SCAPER: variants seen among roughly 807,000 people sequenced by gnomAD.
The protein encoded by SCAPER is S-phase cyclin A associated protein in the ER.
In SCAPER, 98 loss-of-function variants were observed where a neutral mutation model predicts 182.2. The ratio of observed to expected loss-of-function variants is 0.54; its 90% confidence interval spans 0.46 to 0.64. SCAPER has a LOEUF of 0.64. Ranked by LOEUF, SCAPER falls within the 30% of genes least tolerant of loss-of-function variation. The pLI, the probability that SCAPER is intolerant of heterozygous loss-of-function variation, is 0.00. For missense variants in SCAPER, 1,432 were observed against 1,690.0 expected, an observed-to-expected ratio of 0.85 and a Z score of 2.68; for synonymous variants, 605 against 564.6, an observed-to-expected ratio of 1.07 and a Z score of -1.01.
intron 17 of SCAPER, among the ~76,000 whole-genome samples, chr15:76,717,142 GAAAAA>G (rs34439573): frequency 1.6e-5 from 2 of 126,280 alleles, no homozygotes; most frequent in Non-Finnish European, 3.4e-5. Context: ...TGATGAAAGG[GAAAAA>G]AAAAAAAAAA....
intron 25 of SCAPER, among the ~76,000 whole-genome samples, chr15:76,469,755 G>C (rs1457401374): frequency 6.6e-6 from 1 of 152,064 alleles, no homozygotes; most frequent in Admixed American, 6.6e-5. Flanking sequence ...CCTCATCTGT[G>C]AAATGGAATA....
At chr15:76,501,484 C>T (rs1162503904) in intron 24 of SCAPER, among the ~76,000 whole-genome samples, 1 of 152,002 alleles carries the variant, frequency 6.6e-6, no homozygotes, top group Non-Finnish European at 1.5e-5. Flanking sequence ...GAAAAGAGGA[C>T]AGGAAGCTGG....
At chr15:76,699,225 CTT>C (rs945701557) in intron 20 of SCAPER, among the ~76,000 whole-genome samples, 2 of 152,112 alleles carry the variant, frequency 1.3e-5, no homozygotes, top group Non-Finnish European at 2.9e-5. Context: ...GATGGTTTCA[CTT>C]TTTTCATGCT....
chr15:76,836,707 A>T (rs1367950650), intron 5 of SCAPER, among the ~76,000 whole-genome samples: 1 of 152,026 alleles, frequency 6.6e-6, no homozygotes, highest in African/African-American at 2.4e-5. Context: ...CCCCGTCTCT[A>T]CTAAAAAATA....
At chr15:76,495,192 A>G (rs1018532573) in intron 24 of SCAPER, among the ~76,000 whole-genome samples, 2 of 152,146 alleles carry the variant, frequency 1.3e-5, no homozygotes, top group Non-Finnish European at 2.9e-5. Flanking sequence ...TTTTTTCTTA[A>G]TACGTTCACT....
chr15:76,351,147 A>T, intron 31 of SCAPER, 90 bp downstream of exon 31: 1 of 1,088,946 alleles, frequency 9.2e-7, no homozygotes, highest in Non-Finnish European at 1.3e-6. Context: ...ATAAAATTTT[A>T]CATATAATGT....
intron 21 of SCAPER, among the ~76,000 whole-genome samples, chr15:76,627,475 G>T (rs990567945): frequency 6.6e-6 from 1 of 152,040 alleles, no homozygotes; most frequent in Non-Finnish European, 1.5e-5. Context: ...CCCATTGTGT[G>T]TTGTTCCCCT....
At chr15:76,574,592 G>T (rs1280358655) in intron 22 of SCAPER, among the ~76,000 whole-genome samples, 2 of 152,160 alleles carry the variant, frequency 1.3e-5, no homozygotes, top group Non-Finnish European at 2.9e-5. Context: ...TAGGAAGGGG[G>T]AGAAGGCCAG....
rs118053915 is a variant in SCAPER at position 76,836,550 on chromosome 15, A to G, written c.393+5184T>C. Among the ~76,000 whole-genome samples the G allele has an allele frequency of 3.2e-4, 49 of 152,282 alleles. 1 individual carries two copies. The East Asian group carries it at 9.1e-3, about 28-fold the overall frequency. On this transcript the variant is annotated intron_variant, in intron 5 of 31. Coordinates refer to ENST00000563290, the MANE Select transcript of SCAPER (RefSeq NM_020843.4). ...AAACTGGACCACTTCCTTTCACCATATATAAAAATCAACTCAAAATGGATT... is the reference window on the plus strand; with the variant it reads ...AAACTGGACCACTTCCTTTCACCATGTATAAAAATCAACTCAAAATGGATT...
intron 5 of SCAPER, among the ~76,000 whole-genome samples, chr15:76,821,057 G>A (rs988617499): frequency 2.6e-5 from 4 of 152,210 alleles, no homozygotes; most frequent in African/African-American, 9.6e-5. Flanking sequence ...TACTTTGGAA[G>A]ACAGTGTGGC....
intron 8 of SCAPER, among the ~76,000 whole-genome samples, chr15:76,782,504 T>G (rs2064231028): frequency 6.6e-6 from 1 of 152,148 alleles, no homozygotes; most frequent in Non-Finnish European, 1.5e-5. Context: ...TATCCATGAC[T>G]TGAACTCAGC....
At chr15:76,561,830 T>C (rs2046655101) in intron 23 of SCAPER, among the ~76,000 whole-genome samples, 1 of 113,720 alleles carries the variant, frequency 8.8e-6, no homozygotes, top group African/African-American at 3.6e-5. Context: ...AGTATTAGTT[T>C]TTTTTTTTTT....
intron 26 of SCAPER, among the ~76,000 whole-genome samples, chr15:76,421,414 G>A (rs1254568858): frequency 6.6e-6 from 1 of 152,234 alleles, no homozygotes; most frequent in Non-Finnish European, 1.5e-5. Context: ...CAGCATAAAT[G>A]TCTTCTTTTG....
At chr15:76,415,685 G>A (rs1817455915) in intron 26 of SCAPER, among the ~76,000 whole-genome samples, 1 of 152,090 alleles carries the variant, frequency 6.6e-6, no homozygotes, top group Admixed American at 6.5e-5. Flanking sequence ...TGTTGTTTAT[G>A]AAGATAGATA....
At chr15:76,433,255 C>G (rs896948590) in intron 26 of SCAPER, among the ~76,000 whole-genome samples, 1 of 152,132 alleles carries the variant, frequency 6.6e-6, no homozygotes, top group Non-Finnish European at 1.5e-5. Flanking sequence ...CACCTGTAAT[C>G]CCAGCACTTT....
chr15:76,373,173 G>A (rs540188546), intron 29 of SCAPER, among the ~76,000 whole-genome samples: 13 of 151,310 alleles, frequency 8.6e-5, no homozygotes, highest in Non-Finnish European at 1.5e-4. Context: ...TCAGCCTCCT[G>A]AGTAGCTGGG....
At chr15:76,512,765 A>G (rs1197618982) in intron 23 of SCAPER, among the ~76,000 whole-genome samples, 1 of 152,102 alleles carries the variant, frequency 6.6e-6, no homozygotes, top group East Asian at 1.9e-4. Context: ...AACAGGACCA[A>G]ATAAGCCAAT....
At chr15:76,544,769 A>G (rs2045107029) in intron 23 of SCAPER, among the ~76,000 whole-genome samples, 1 of 152,124 alleles carries the variant, frequency 6.6e-6, no homozygotes, top group Non-Finnish European at 1.5e-5. Flanking sequence ...CTTTGACTAT[A>G]CCAAAAAACA....
intron 29 of SCAPER, among the ~76,000 whole-genome samples, chr15:76,364,816 C>T (rs182077586): frequency 6.6e-6 from 1 of 152,028 alleles, no homozygotes; most frequent in Non-Finnish European, 1.5e-5. Context: ...CTTAGGGGCT[C>T]CTCATCTCTG....
Sources: gnomAD v4.1 joint callset for allele counts (sites outside exome capture counted in the v4.1 genomes callset) on GRCh38, gnomAD v4.1.1 for gene constraint, MANE v1.5 for transcripts, NCBI Gene and HGNC (gene_info 2026-07-23, HGNC 2026-07-21) for gene names.